SPOPL: variants seen among roughly 807,000 people sequenced by gnomAD.
SPOPL encodes the protein speckle-type POZ protein-like.
SPOPL carries 23 observed loss-of-function variants against 53.8 expected under a neutral mutation model. The observed-to-expected ratio is 0.43, with a 90% CI of 0.31 to 0.61. SPOPL has a LOEUF of 0.61. SPOPL is among the 20% of genes least tolerant of loss of function. The pLI, the probability that SPOPL is intolerant of heterozygous loss-of-function variation, is 0.12. For missense variants in SPOPL, 442 were observed against 466.9 expected (o/e 0.95, Z 0.49); for synonymous variants, 164 against 149.7 (o/e 1.10, Z -0.70).
At chr2:138,537,447 AGATAAC>A (rs1684962114) in intron 1 of SPOPL, among the ~76,000 whole-genome samples, 1 of 152,176 alleles carries the variant, frequency 6.6e-6, no homozygotes, top group Non-Finnish European at 1.5e-5. Flanking sequence ...TGGAATCTAT[AGATAAC>A]ACAAGCAGTT....
intron 1 of SPOPL, among the ~76,000 whole-genome samples, chr2:138,529,326 T>C (rs376782321): frequency 1.3e-5 from 2 of 152,138 alleles, no homozygotes; most frequent in Non-Finnish European, 2.9e-5. Context: ...GTAATACCCA[T>C]CTCGTATCAT....
At position 138,550,885 on chromosome 2, in the gene SPOPL, C is replaced by G; in HGVS notation, c.201-18C>G. ...CAAGTATTATATTCCTCCATGTGAG[C>G]TTATTGTTTTATTTTAGGTGCCTGA... On this transcript the variant is annotated intron_variant, in intron 3 of 10. Coordinates refer to ENST00000280098, the MANE Select transcript of SPOPL (RefSeq NM_001001664.3). 6.3e-7 allele frequency: 1 copy of G among 1,596,232 alleles called. No individual in the cohort carries two copies. The highest frequency in any genetic ancestry group is 8.5e-7 in the Non-Finnish European group (1 of 1,172,308).
At chr2:138,526,593 G>A (rs1387426513) in intron 1 of SPOPL, among the ~76,000 whole-genome samples, 2 of 151,858 alleles carry the variant, frequency 1.3e-5, no homozygotes, top group African/African-American at 4.8e-5. Flanking sequence ...TTACTCGTAA[G>A]GGTGTGCCAT....
chr2:138,517,575 C>T (rs776414453), intron 1 of SPOPL, among the ~76,000 whole-genome samples: 20 of 151,590 alleles, frequency 1.3e-4, no homozygotes, highest in Admixed American at 3.3e-4. Context: ...CCCGTCTGTA[C>T]TACAAATACA....
intron 1 of SPOPL, among the ~76,000 whole-genome samples, chr2:138,521,929 T>G (rs1287397336): frequency 6.6e-6 from 1 of 152,130 alleles, no homozygotes; most frequent in African/African-American, 2.4e-5. Flanking sequence ...GGGGGAATGA[T>G]GATGAGTTTT....
At chr2:138,525,874 C>T (rs979294798) in intron 1 of SPOPL, among the ~76,000 whole-genome samples, 7 of 150,704 alleles carry the variant, frequency 4.6e-5, no homozygotes, top group African/African-American at 1.5e-4. Flanking sequence ...TCAATTTTTG[C>T]ATTACATGAG....
intron 1 of SPOPL, among the ~76,000 whole-genome samples, chr2:138,507,357 C>T (rs564633015): frequency 6.6e-6 from 1 of 152,286 alleles, no homozygotes; most frequent in African/African-American, 2.4e-5. Flanking sequence ...TTATCAGACA[C>T]TGAATGCTAG....
chr2:138,532,925 A>T (rs1295695009), intron 1 of SPOPL, among the ~76,000 whole-genome samples: 1 of 152,038 alleles, frequency 6.6e-6, no homozygotes, highest in Non-Finnish European at 1.5e-5. Flanking sequence ...CCTGCTAGTT[A>T]CTCCATTATC....
intron 1 of SPOPL, among the ~76,000 whole-genome samples, chr2:138,503,203 C>G (rs1163373537): frequency 1.3e-5 from 2 of 152,160 alleles, no homozygotes. Flanking sequence ...GAACTCTTCT[C>G]TAGAGCTCAG....
At position 138,569,780 on chromosome 2, in the gene SPOPL, A is replaced by C. The variant is rs767650034; in HGVS notation, c.*700A>C. On this transcript the variant is annotated 3_prime_UTR_variant, in exon 11 of 11. Transcript: ENST00000280098. Reference sequence around the variant, plus strand: ...AACTGATTGAGGTTAAGATTTCATGAAGAAAGCATGTATTGTGTGGAAGTA... The same window carrying C: ...AACTGATTGAGGTTAAGATTTCATGCAGAAAGCATGTATTGTGTGGAAGTA... The C allele has an allele frequency of 6.6e-6, 1 of 152,624 alleles. No homozygotes were observed. The highest frequency in any genetic ancestry group is 2.4e-5 in the African/African-American group (1 of 41,452). The allele number at this position is 152,624 out of a possible 1,614,324, so 9.5% of individuals were successfully genotyped here.
Position 138,559,142 on chromosome 2 carries a change from G to T in SPOPL, c.601G>T (p.Asp201Tyr), listed in dbSNP as rs1685489377. The change falls in exon 6 of 11, where the codon GAC becomes TAC. Residue 201 changes from aspartate (D) to tyrosine (Y), a missense_variant. Asp to Tyr is a radical substitution (Grantham distance 160). Transcript: ENST00000280098. ...TCTCTGGGAAAACACAAGATTTACA[G>T]ACTGCAGTTTTTTCGTGAGAGGACA... The part of the protein sequence containing the change: ...GNLWENTRFT[D>Y]CSFFVRGQEF... 6.2e-7 allele frequency: 1 copy of T among 1,613,658 alleles called. No individual in the cohort carries two copies. Among genetic ancestry groups the T allele is most frequent in the African/African-American group, 1.3e-5 (1 of 74,920 alleles).
intron 8 of SPOPL, among the ~76,000 whole-genome samples, chr2:138,562,575 A>G (rs1053309104): frequency 6.6e-6 from 1 of 152,096 alleles, no homozygotes; most frequent in African/African-American, 2.4e-5. Context: ...ACTTGAGGTC[A>G]GGAGTTCAAG....
intron 1 of SPOPL, among the ~76,000 whole-genome samples, chr2:138,525,662 A>AAAAAAAAC (rs772935862): frequency 0.074 from 7,700 of 104,536 alleles, 645 homozygotes; most frequent in East Asian, 0.42. Flanking sequence ...AGTAGAAAAA[A>AAAAAAAAC]AAAAAAAAAA....
intron 1 of SPOPL, among the ~76,000 whole-genome samples, chr2:138,526,448 G>A (rs1684677016): frequency 6.6e-6 from 1 of 152,016 alleles, no homozygotes; most frequent in Admixed American, 6.6e-5. Flanking sequence ...GGAGTATCAG[G>A]ATTTATTAGA....
chr2:138,515,021 C>A (rs1486739494), intron 1 of SPOPL, among the ~76,000 whole-genome samples: 1 of 152,160 alleles, frequency 6.6e-6, no homozygotes, highest in Non-Finnish European at 1.5e-5. Flanking sequence ...GGAACAGACA[C>A]CTGTATATTT....
intron 5 of SPOPL, chr2:138,554,431 T>G (rs777154012): frequency 4.9e-6 from 6 of 1,227,024 alleles, no homozygotes; most frequent in South Asian, 4.3e-5. Context: ...ATGCCCTTCC[T>G]TCTACAGAAT....
chr2:138,506,875 G>A (rs144359054), intron 1 of SPOPL, among the ~76,000 whole-genome samples: 1,652 of 152,276 alleles, frequency 0.011, 33 homozygotes, highest in African/African-American at 0.037. Flanking sequence ...GTATGGAGAA[G>A]ATAAGGGGTC....
Position 138,550,973 on chromosome 2 carries a change from G to T in SPOPL, c.271G>T (p.Val91Phe). Reference protein sequence around the residue: ...KDYLSLYLLLVSCPKSEVRAK... With the variant: ...KDYLSLYLLLFSCPKSEVRAK... ...CTACTTGTCCTTATATTTGCTTTTAGTCAGCTGCCCCAAAAGTGAAGTTCG... is the reference window on the plus strand; with the variant it reads ...CTACTTGTCCTTATATTTGCTTTTATTCAGCTGCCCCAAAAGTGAAGTTCG... The change falls in exon 4 of 11, where the codon GTC becomes TTC. Residue 91 changes from valine to phenylalanine, a missense_variant. Physicochemically the swap from Val to Phe is conservative, Grantham distance 50. Coordinates refer to ENST00000280098, the MANE Select transcript of SPOPL (RefSeq NM_001001664.3). 3 of 1,613,540 alleles carry T rather than the reference G, an allele frequency of 1.9e-6. No individual in the cohort carries two copies. The highest frequency in any genetic ancestry group is 2.5e-6 in the Non-Finnish European group (3 of 1,179,640).
chr2:138,564,771 A>G lies in SPOPL; in HGVS notation c.901A>G (p.Asn301Asp). ...EALCSNLSVE[N>D]VADTLVLADL... ...TTTGTGTAGTAACCTCTCAGTAGAG[A>G]ATGTTGCAGATACCCTTGTCCTTGC... Residue 301 changes from asparagine (N) to aspartate (D), a missense_variant, in exon 9 of 11, where the codon AAT becomes GAT. Coordinates refer to ENST00000280098, the MANE Select transcript of SPOPL (RefSeq NM_001001664.3). 3 of 1,614,168 alleles carry G rather than the reference A, an allele frequency of 1.9e-6. No homozygotes were observed. Among genetic ancestry groups the G allele is most frequent in the Non-Finnish European group, 2.5e-6 (3 of 1,180,018 alleles).
Sources: gnomAD v4.1 joint callset for allele counts (sites outside exome capture counted in the v4.1 genomes callset) on GRCh38, gnomAD v4.1.1 for gene constraint, MANE v1.5 for transcripts, NCBI Gene and HGNC (gene_info 2026-07-23, HGNC 2026-07-21) for gene names.